Variants in CACNA2D3 observed in about 807,000 individuals in gnomAD.
The protein encoded by CACNA2D3 is calcium voltage-gated channel auxiliary subunit alpha2delta 3.
A neutral mutation model predicts 160.6 loss-of-function variants in CACNA2D3; 60 were observed. The ratio of observed to expected loss-of-function variants is 0.37; its 90% CI spans 0.30 to 0.46. CACNA2D3 has a LOEUF of 0.46. Among genes scored for constraint, CACNA2D3 ranks in the 20% least tolerant of loss-of-function variants. The pLI is 1.00. For synonymous variants in CACNA2D3, 558 were observed against 492.9 expected (o/e 1.13, Z -1.75); for missense variants, 1,205 against 1,365.0 (o/e 0.88, Z 1.85).
chr3:54,626,740 T>C, intron 9 of CACNA2D3: 1 of 669,420 alleles, frequency 1.5e-6, no homozygotes, highest in Non-Finnish European at 2.5e-6. Flanking sequence ...CGGAATGCAG[T>C]GACTGGAAAG....
intron 11 of CACNA2D3, among the ~76,000 whole-genome samples, chr3:54,673,644 A>G (rs1225626355): frequency 6.6e-6 from 1 of 152,218 alleles, no homozygotes; most frequent in Admixed American, 6.5e-5. Context: ...TTAAATGACA[A>G]TCTTTTGTTC....
intron 35 of CACNA2D3, among the ~76,000 whole-genome samples, chr3:55,035,629 C>G (rs1381317543): frequency 6.6e-6 from 1 of 152,124 alleles, no homozygotes; most frequent in Non-Finnish European, 1.5e-5. Flanking sequence ...GCCTGTTTAT[C>G]TATTTTTATG....
At chr3:54,401,186 C>G (rs1347550163) in intron 4 of CACNA2D3, among the ~76,000 whole-genome samples, 5 of 151,592 alleles carry the variant, frequency 3.3e-5, no homozygotes, top group Non-Finnish European at 7.4e-5. Context: ...TTGAAATTAC[C>G]TAGTCAACGG....
intron 11 of CACNA2D3, among the ~76,000 whole-genome samples, chr3:54,746,317 T>A (rs1177734533): frequency 6.6e-6 from 1 of 152,262 alleles, no homozygotes; most frequent in Non-Finnish European, 1.5e-5. Flanking sequence ...AGTTGGTTAG[T>A]AATATCTTTT....
intron 25 of CACNA2D3, chr3:54,894,474 T>G (rs1700139595): frequency 2.2e-6 from 1 of 445,044 alleles, no homozygotes; most frequent in Admixed American, 2.4e-5. Context: ...GTCACTGCCT[T>G]AAGTGAGGAC....
At chr3:54,913,170 T>C (rs1700593721) in intron 27 of CACNA2D3, among the ~76,000 whole-genome samples, 1 of 152,024 alleles carries the variant, frequency 6.6e-6, no homozygotes, top group Non-Finnish European at 1.5e-5. Flanking sequence ...GCAGCCTTGA[T>C]CTCCTGAACT....
intron 14 of CACNA2D3, among the ~76,000 whole-genome samples, chr3:54,832,715 A>AGTTCTTCCTCTGCCAT (rs1703907404): frequency 6.6e-6 from 1 of 152,206 alleles, no homozygotes; most frequent in Non-Finnish European, 1.5e-5. Flanking sequence ...ATTCCCAGCT[A>AGTTCTTCCTCTGCCAT]GTTCTTCCTC....
chr3:55,034,554 A>G (rs532235876), intron 35 of CACNA2D3, among the ~76,000 whole-genome samples: 56 of 152,072 alleles, frequency 3.7e-4, no homozygotes, highest in Non-Finnish European at 5.7e-4. Context: ...TGGTAGTGTT[A>G]GAGAATTATC....
At chr3:54,199,700 G>A (rs1239729876) in intron 2 of CACNA2D3, among the ~76,000 whole-genome samples, 1 of 152,102 alleles carries the variant, frequency 6.6e-6, no homozygotes, top group Non-Finnish European at 1.5e-5. Context: ...ATTTATCCAA[G>A]TGCAGCACAT....
chr3:54,863,590 A>G (rs1246694267), intron 17 of CACNA2D3, among the ~76,000 whole-genome samples: 3 of 152,062 alleles, frequency 2.0e-5, no homozygotes, highest in Non-Finnish European at 4.4e-5. Context: ...TTGACCTACA[A>G]AAACGGTGGT....
At chr3:54,569,390 A>C (rs1350413388) in intron 6 of CACNA2D3, among the ~76,000 whole-genome samples, 1 of 152,116 alleles carries the variant, frequency 6.6e-6, no homozygotes, top group Non-Finnish European at 1.5e-5. Flanking sequence ...TAGACATTAC[A>C]TCACCTGGTC....
At chr3:54,982,251 G>T (rs1444462569) in intron 29 of CACNA2D3, among the ~76,000 whole-genome samples, 1 of 152,148 alleles carries the variant, frequency 6.6e-6, no homozygotes, top group Non-Finnish European at 1.5e-5. Context: ...ACTGAGAGGA[G>T]CCTCTAACCC....
chr3:54,237,299 G>A (rs1413690020), intron 2 of CACNA2D3, among the ~76,000 whole-genome samples: 1 of 152,176 alleles, frequency 6.6e-6, no homozygotes, highest in Non-Finnish European at 1.5e-5. Flanking sequence ...CCGTGCAGGG[G>A]AGCCTTGAAA....
intron 27 of CACNA2D3, among the ~76,000 whole-genome samples, chr3:54,900,165 A>C (rs564210916): frequency 1.3e-5 from 2 of 152,300 alleles, no homozygotes; most frequent in East Asian, 3.9e-4. Flanking sequence ...TAGCATGTTC[A>C]TTCAAAGTAA....
chr3:54,315,082 C>A (rs1005363508), intron 2 of CACNA2D3, among the ~76,000 whole-genome samples: 4 of 152,114 alleles, frequency 2.6e-5, no homozygotes, highest in Non-Finnish European at 5.9e-5. Context: ...AGAGGCAAAC[C>A]CTAGGAGGAG....
chr3:54,942,852 A>T (rs1355448913), intron 27 of CACNA2D3, among the ~76,000 whole-genome samples: 1 of 152,014 alleles, frequency 6.6e-6, no homozygotes, highest in Non-Finnish European at 1.5e-5. Flanking sequence ...GTGAAACCCC[A>T]TCTCTACTAA....
At chr3:54,262,610 A>G (rs548511844) in intron 2 of CACNA2D3, among the ~76,000 whole-genome samples, 5 of 152,080 alleles carry the variant, frequency 3.3e-5, no homozygotes, top group African/African-American at 1.2e-4. Context: ...TTGAATTAAA[A>G]AAAAAATCCA....
At chr3:55,037,165 CAAAAG>C (rs149546706) in intron 35 of CACNA2D3, among the ~76,000 whole-genome samples, 2,534 of 152,218 alleles carry the variant, frequency 0.017, 61 homozygotes, top group African/African-American at 0.056. Context: ...ACAAATAAGA[CAAAAG>C]AAGAAGAAAC....
At chr3:54,818,286 C>T (rs139527752) in intron 14 of CACNA2D3, among the ~76,000 whole-genome samples, 2,621 of 152,278 alleles carry the variant, frequency 0.017, 47 homozygotes, top group Non-Finnish European at 0.029. Flanking sequence ...CGGGTTCAAT[C>T]GATTCTCCTG....
Sources: gnomAD v4.1 joint callset for allele counts (sites outside exome capture counted in the v4.1 genomes callset) on GRCh38, gnomAD v4.1.1 for gene constraint, MANE v1.5 for transcripts, NCBI Gene and HGNC (gene_info 2026-07-23, HGNC 2026-07-21) for gene names.